LRRIQ1: variants seen among roughly 807,000 people sequenced by gnomAD.
LRRIQ1 encodes the protein leucine-rich repeat- and IQ domain-containing protein 1.
A neutral mutation model predicts 211.9 loss-of-function variants in LRRIQ1; 210 were observed. The ratio of observed to expected loss-of-function variants is 0.99; its 90% CI spans 0.89 to 1.11. LRRIQ1 has a LOEUF of 1.11. LRRIQ1 is among the 50% of genes most tolerant of loss of function. The pLI, the probability that LRRIQ1 is intolerant of heterozygous loss-of-function variation, is 0.00. For missense variants in LRRIQ1, 2,136 were observed against 1,939.5 expected (o/e 1.10, Z -1.90); for synonymous variants, 699 against 650.1 (o/e 1.08, Z -1.14).
intron 11 of LRRIQ1, among the ~76,000 whole-genome samples, chr12:85,076,042 A>G (rs921719840): frequency 7.2e-5 from 11 of 152,026 alleles, no homozygotes; most frequent in Non-Finnish European, 1.6e-4. Flanking sequence ...ATAAATATAC[A>G]TTTCATAATT....
chr12:85,065,347 G>A lies in LRRIQ1; in HGVS notation c.2477G>A (p.Arg826Gln), dbSNP rs750081825. 81 of 1,610,882 alleles carry A rather than the reference G, an allele frequency of 5.0e-5. No homozygotes were observed. The highest frequency in any genetic ancestry group is 6.7e-5 in the Non-Finnish European group (79 of 1,177,984). ...ACAAATCTTCAGTTTCTATCCCTTCGACGCTGTGGATTAACTTCTTTGCAC... is the reference window on the plus strand; with the variant it reads ...ACAAATCTTCAGTTTCTATCCCTTCAACGCTGTGGATTAACTTCTTTGCAC... Reference protein sequence around the residue: ...ECTNLQFLSLRRCGLTSLHSL... With the variant: ...ECTNLQFLSLQRCGLTSLHSL... The change falls in exon 9 of 27, where the codon CGA becomes CAA. Residue 826 changes from arginine to glutamine, a missense_variant. By Grantham distance (43) the Arg-to-Gln change is conservative. Coordinates refer to ENST00000393217, the MANE Select transcript of LRRIQ1 (RefSeq NM_001079910.2).
chr12:85,099,496 T>C (rs1294944128), intron 13 of LRRIQ1, among the ~76,000 whole-genome samples: 1 of 151,910 alleles, frequency 6.6e-6, no homozygotes. Flanking sequence ...TAACATTCAA[T>C]TGAAATGGGT....
intron 18 of LRRIQ1, among the ~76,000 whole-genome samples, chr12:85,137,452 A>G (rs1322389951): frequency 2.0e-5 from 3 of 151,644 alleles, no homozygotes; most frequent in Non-Finnish European, 3.0e-5. Context: ...GGCCATTTAT[A>G]TATGTTGATG....
At chr12:85,205,873 C>T (rs1270483126) in intron 24 of LRRIQ1, among the ~76,000 whole-genome samples, 1 of 152,106 alleles carries the variant, frequency 6.6e-6, no homozygotes, top group African/African-American at 2.4e-5. Context: ...AGTTTCTTTC[C>T]TCAGCTCCGT....
chr12:85,062,068 A>G (rs1881874333), intron 8 of LRRIQ1, among the ~76,000 whole-genome samples: 1 of 151,888 alleles, frequency 6.6e-6, no homozygotes, highest in Non-Finnish European at 1.5e-5. Flanking sequence ...TTCCGTACAA[A>G]GAGGAGTTAC....
chr12:85,081,206 A>G (rs1349359006), intron 11 of LRRIQ1, among the ~76,000 whole-genome samples: 1 of 152,172 alleles, frequency 6.6e-6, no homozygotes, highest in Non-Finnish European at 1.5e-5. Flanking sequence ...TTTCTTTCTG[A>G]GGATTACTAG....
intron 18 of LRRIQ1, among the ~76,000 whole-genome samples, chr12:85,134,196 C>T (rs1252451903): frequency 2.0e-5 from 3 of 152,068 alleles, no homozygotes; most frequent in Non-Finnish European, 2.9e-5. Context: ...AATAACATTC[C>T]GGCTATTAAT....
chr12:85,220,636 TTTTTA>T (rs1433825729), intron 24 of LRRIQ1, among the ~76,000 whole-genome samples: 2 of 150,652 alleles, frequency 1.3e-5, no homozygotes, highest in Non-Finnish European at 3.0e-5. Context: ...TATTTATTTA[TTTTTA>T]TTTTATTTTA....
intron 5 of LRRIQ1, 132 bp downstream of exon 5, chr12:85,046,269 C>A (rs1389462745): frequency 1.7e-6 from 1 of 577,218 alleles, no homozygotes; most frequent in Non-Finnish European, 3.1e-6. Context: ...GATTATTGTG[C>A]CTTTGCTATA....
intron 8 of LRRIQ1, among the ~76,000 whole-genome samples, chr12:85,057,652 T>A (rs1238626552): frequency 6.6e-6 from 1 of 152,070 alleles, no homozygotes; most frequent in East Asian, 1.9e-4. Flanking sequence ...GACCCTAGAA[T>A]TCCCATCTAG....
At chr12:85,074,165 A>C (rs1006647563) in intron 11 of LRRIQ1, among the ~76,000 whole-genome samples, 4 of 152,058 alleles carry the variant, frequency 2.6e-5, no homozygotes, top group African/African-American at 9.7e-5. Flanking sequence ...TAAGTGAATG[A>C]GAATAGTGAA....
At chr12:85,039,239 C>T (rs1878564346) in intron 2 of LRRIQ1, among the ~76,000 whole-genome samples, 1 of 150,906 alleles carries the variant, frequency 6.6e-6, no homozygotes, top group African/African-American at 2.4e-5. Flanking sequence ...TTTTAAAGCC[C>T]TTCTGTTTCA....
chr12:85,270,968 C>G, the LRRIQ1 span, among the ~76,000 whole-genome samples: 1 of 152,060 alleles, frequency 6.6e-6, no homozygotes, highest in Non-Finnish European at 1.5e-5. Flanking sequence ...ACCAGTTAGC[C>G]AAACTTGCTT....
intron 24 of LRRIQ1, among the ~76,000 whole-genome samples, chr12:85,206,904 C>T (rs1893583670): frequency 6.6e-6 from 1 of 152,120 alleles, no homozygotes; most frequent in South Asian, 2.1e-4. Context: ...TCCCCTAAGA[C>T]TACCATCTCC....
chr12:85,215,227 C>A (rs1894020003), intron 24 of LRRIQ1, among the ~76,000 whole-genome samples: 1 of 152,064 alleles, frequency 6.6e-6, no homozygotes, highest in African/African-American at 2.4e-5. Context: ...TTGGGGTAAC[C>A]ATTTGACAAA....
intron 23 of LRRIQ1, among the ~76,000 whole-genome samples, chr12:85,158,245 A>T (rs1355851616): frequency 2.0e-5 from 3 of 151,948 alleles, no homozygotes; most frequent in Non-Finnish European, 4.4e-5. Flanking sequence ...GACTAAAAAA[A>T]AAAAACTAGA....
At chr12:85,269,555 T>C in the LRRIQ1 span, among the ~76,000 whole-genome samples, 2 of 152,018 alleles carry the variant, frequency 1.3e-5, no homozygotes, top group Non-Finnish European at 2.9e-5. Flanking sequence ...CTCTTAAATC[T>C]CAGTGAATCT....
chr12:85,109,034 C>G (rs1049544574), intron 15 of LRRIQ1, among the ~76,000 whole-genome samples: 1 of 151,994 alleles, frequency 6.6e-6, no homozygotes. Context: ...AATTTTTGCC[C>G]TGATTTGGTT....
At chr12:85,188,346 T>A (rs887184172) in intron 24 of LRRIQ1, among the ~76,000 whole-genome samples, 31 of 152,126 alleles carry the variant, frequency 2.0e-4, no homozygotes, top group African/African-American at 7.5e-4. Context: ...GATTACAAGA[T>A]GTACATCTTA....
Sources: gnomAD v4.1 joint callset for allele counts (sites outside exome capture counted in the v4.1 genomes callset) on GRCh38, gnomAD v4.1.1 for gene constraint, MANE v1.5 for transcripts, NCBI Gene and HGNC (gene_info 2026-07-23, HGNC 2026-07-21) for gene names.